Variants in KIF26B observed in about 807,000 individuals in gnomAD.
KIF26B encodes the protein kinesin-like protein KIF26B.
A neutral mutation model predicts 151.2 loss-of-function variants in KIF26B; 63 were observed. The ratio of observed to expected loss-of-function variants is 0.42; its 90% confidence interval spans 0.34 to 0.51. The LOEUF is 0.51. Ranked by LOEUF, KIF26B falls within the 20% of genes least tolerant of loss-of-function variation. KIF26B has a pLI of 0.07. For synonymous variants in KIF26B, 1,357 were observed against 1,262.1 expected, an observed-to-expected ratio of 1.08 and a Z score of -1.59; for missense variants, 2,813 against 2,913.6, an observed-to-expected ratio of 0.97 and a Z score of 0.79.
chr1:245,608,097 T>A lies in KIF26B; in HGVS notation c.1651+353T>A, dbSNP rs534722736. Among the ~76,000 whole-genome samples, 11 of 152,174 alleles carry A rather than the reference T, an allele frequency of 7.2e-5. No individual in the cohort carries two copies. The South Asian group carries it at 2.3e-3, about 32-fold the overall frequency. On this transcript the variant is annotated intron_variant, in intron 7 of 14. Transcript: ENST00000407071. ...AGGGCCCCTTGCACCACCGCACCCA[T>A]GAGGATGTGGGTTGGTGGTTGGACC...
rs1346229456 is a variant in KIF26B at position 245,203,116 on chromosome 1, G to A, written c.465+46433G>A. Among the ~76,000 whole-genome samples the A allele has an allele frequency of 1.1e-4, 17 of 151,504 alleles. 1 individual carries two copies. Among genetic ancestry groups the A allele is most frequent in the African/African-American group, 3.4e-4 (14 of 41,206 alleles). ...ACAAAAATTAGCCAGGCATGGTGGT[G>A]TGCGCCTATAGTCCCATCTACTTGG... is the stretch of plus-strand genomic sequence containing the variant. On this transcript the variant is annotated intron_variant, in intron 2 of 14. Transcript: ENST00000407071.
chr1:245,592,854 T>C (rs1330013105), intron 5 of KIF26B, among the ~76,000 whole-genome samples: 6 of 152,234 alleles, frequency 3.9e-5, no homozygotes, highest in Admixed American at 3.9e-4. Context: ...CTTTCAGGCA[T>C]GGGTCTGTGG....
At chr1:245,633,788 C>T (rs551843674) in intron 9 of KIF26B, among the ~76,000 whole-genome samples, 2 of 152,182 alleles carry the variant, frequency 1.3e-5, no homozygotes, top group African/African-American at 4.8e-5. Flanking sequence ...ATCTCTAAAT[C>T]ATGTGTTTGA....
chr1:245,276,512 C>T (rs1352749553), intron 2 of KIF26B, among the ~76,000 whole-genome samples: 5 of 152,182 alleles, frequency 3.3e-5, no homozygotes, highest in African/African-American at 4.8e-5. Flanking sequence ...TTCTCAGCAT[C>T]CCTTGACCTG....
Position 245,238,863 on chromosome 1 carries a change from AAAAC to A in KIF26B, c.465+82184_465+82187del, listed in dbSNP as rs1229188243. Among the ~76,000 whole-genome samples, 5 of 132,534 alleles carry A rather than the reference AAAAC, an allele frequency of 3.8e-5. No individual in the cohort carries two copies. In the East Asian group the frequency reaches 9.7e-4, roughly 26 times the overall value. 86.9% of individuals were successfully genotyped at this position (132,534 alleles called of 152,430 possible). On this transcript the variant is annotated intron_variant, in intron 2 of 14. Coordinates refer to ENST00000407071, the MANE Select transcript of KIF26B (RefSeq NM_018012.4). Reference sequence around the variant, plus strand: ...GGTGACAAGAGCAAAACTGTCTCAAAAAACAAAACAAAACAAAAAAACCCCAATT... The same window carrying A: ...GGTGACAAGAGCAAAACTGTCTCAAAAAAACAAAACAAAAAAACCCCAATT...
At chr1:245,369,168 T>TGAGAGAGAGGGAGAGA (rs1396163965) in intron 3 of KIF26B, among the ~76,000 whole-genome samples, 35 of 135,856 alleles carry the variant, frequency 2.6e-4, no homozygotes, top group African/African-American at 8.3e-4. Context: ...AAAAGAAGAG[T>TGAGAGAGAGGGAGAGA]GAGAGAGAGA....
intron 6 of KIF26B, among the ~76,000 whole-genome samples, chr1:245,603,658 C>T (rs1488234652): frequency 2.6e-5 from 4 of 152,200 alleles, no homozygotes; most frequent in African/African-American, 7.2e-5. Flanking sequence ...ATCCAGCAGG[C>T]TAGCTTGGGC....
intron 2 of KIF26B, among the ~76,000 whole-genome samples, chr1:245,336,435 T>G (rs1672235419): frequency 6.6e-6 from 1 of 152,172 alleles, no homozygotes; most frequent in South Asian, 2.1e-4. Context: ...GGCTGCGTGG[T>G]GGATCTGGCC....
chr1:245,458,614 G>A (rs940815472), intron 4 of KIF26B, among the ~76,000 whole-genome samples: 2 of 152,160 alleles, frequency 1.3e-5, no homozygotes, highest in Admixed American at 6.5e-5. Context: ...ATAATAGAAA[G>A]GTCAAATAAA....
chr1:245,332,740 G>A (rs377182416), intron 2 of KIF26B, among the ~76,000 whole-genome samples: 96 of 152,326 alleles, frequency 6.3e-4, no homozygotes, highest in South Asian at 2.3e-3. Flanking sequence ...CTGGCGCCCA[G>A]CACTATGACC....
At chr1:245,308,527 G>T (rs1164494080) in intron 2 of KIF26B, among the ~76,000 whole-genome samples, 4 of 152,182 alleles carry the variant, frequency 2.6e-5, no homozygotes, top group Non-Finnish European at 4.4e-5. Context: ...AAAAGCATGT[G>T]TGCAGCCTGG....
At chr1:245,211,599 T>C (rs1237342500) in intron 2 of KIF26B, among the ~76,000 whole-genome samples, 1 of 152,114 alleles carries the variant, frequency 6.6e-6, no homozygotes, top group Non-Finnish European at 1.5e-5. Flanking sequence ...GGTCTTGCTG[T>C]GTTGCCCAGG....
rs557052257 is a variant in KIF26B, at chr1:245,661,867, CAT to C, written c.2258+15589_2258+15590del. ...ATATATATATACACCCTATGATATA[CAT>C]ACACACATACCCCCATATATATACA... is the stretch of plus-strand genomic sequence containing the variant. On this transcript the variant is annotated intron_variant, in intron 10 of 14. Coordinates refer to ENST00000407071, the MANE Select transcript of KIF26B (RefSeq NM_018012.4). Among the ~76,000 whole-genome samples, 568 of 148,504 alleles carry C rather than the reference CAT, an allele frequency of 3.8e-3. 9 individuals carry two copies. The highest frequency in any genetic ancestry group is 0.013 in the African/African-American group (536 of 40,140).
intron 2 of KIF26B, among the ~76,000 whole-genome samples, chr1:245,275,748 C>A (rs935978187): frequency 6.6e-6 from 1 of 152,096 alleles, no homozygotes; most frequent in African/African-American, 2.4e-5. Flanking sequence ...TGGTAGTGAA[C>A]TTTATACTTT....
intron 10 of KIF26B, among the ~76,000 whole-genome samples, chr1:245,673,270 A>G (rs1032092724): frequency 7.0e-6 from 1 of 142,944 alleles, no homozygotes; most frequent in Non-Finnish European, 1.5e-5. Context: ...CTGCCATCTT[A>G]GGCCCAGTCC....
rs2043398451 is a variant in KIF26B, at chr1:245,601,724, A to G, written c.1351-853A>G. On this transcript the variant is annotated intron_variant, in intron 5 of 14. Coordinates refer to ENST00000407071, the MANE Select transcript of KIF26B (RefSeq NM_018012.4). This position sits in a 1 kb window ranked among gnomAD's most constrained non-coding sequence, Gnocchi z 4.4. The stretch of plus-strand genomic sequence containing the variant: ...ACTCACAACACAGTAACAAAGAGCC[A>G]GTTAGAGCAAATGCTGTCCCTTTTC... 6.6e-6 allele frequency among the ~76,000 whole-genome samples: 1 copy of G among 152,236 alleles called. No individual in the cohort carries two copies. Among genetic ancestry groups the G allele is most frequent in the Non-Finnish European group, 1.5e-5 (1 of 68,042 alleles).
At chr1:245,158,393 A>G (rs1361036203) in intron 2 of KIF26B, among the ~76,000 whole-genome samples, 2 of 152,240 alleles carry the variant, frequency 1.3e-5, no homozygotes, top group African/African-American at 4.8e-5. Flanking sequence ...TTGTTTTTAT[A>G]GAAACAGCCT....
At chr1:245,524,857 T>G (rs1346672003) in intron 4 of KIF26B, among the ~76,000 whole-genome samples, 2 of 152,184 alleles carry the variant, frequency 1.3e-5, no homozygotes, top group African/African-American at 4.8e-5. Flanking sequence ...TGCTCCGTGT[T>G]TCCTCTGATT....
chr1:245,651,680 G>T (rs1378054523), intron 10 of KIF26B, among the ~76,000 whole-genome samples: 2 of 152,198 alleles, frequency 1.3e-5, no homozygotes, highest in Non-Finnish European at 2.9e-5. Context: ...ATGACCACCT[G>T]AGGGCTGTTG....
Sources: allele counts gnomAD v4.1 joint callset (sites outside exome capture counted in the v4.1 genomes callset), GRCh38; gene constraint gnomAD v4.1.1; non-coding constraint Gnocchi (gnomAD v3.1); transcripts MANE v1.5; gene names NCBI Gene and HGNC (gene_info 2026-07-23, HGNC 2026-07-21).